Variants in BACH2 observed in about 807,000 individuals in gnomAD.
BACH2 encodes transcription regulator protein BACH2.
A neutral mutation model predicts 61.8 loss-of-function variants in BACH2; 5 were observed. The observed-to-expected ratio is 0.08, with a 90% CI of 0.04 to 0.17. The LOEUF is 0.17. BACH2 is among the 10% of genes least tolerant of loss of function. The pLI, the probability that BACH2 is intolerant of heterozygous loss-of-function variation, is 1.00. For missense variants in BACH2, 824 were observed against 1,091.1 expected (o/e 0.76, Z 3.45); for synonymous variants, 446 against 440.1 (o/e 1.01, Z -0.17).
At chr6:90,291,341 A>T (rs1157970563) in intron 1 of BACH2, among the ~76,000 whole-genome samples, 1 of 152,180 alleles carries the variant, frequency 6.6e-6, no homozygotes, top group Non-Finnish European at 1.5e-5. Flanking sequence ...AAGTAGTGTC[A>T]CTAGCAGGAT....
intron 7 of BACH2, among the ~76,000 whole-genome samples, chr6:89,944,254 T>C (rs1197246021): frequency 6.6e-6 from 1 of 152,224 alleles, no homozygotes; most frequent in African/African-American, 2.4e-5. Context: ...ACAGGGTTGC[T>C]ATGAAGAATA....
intron 3 of BACH2, among the ~76,000 whole-genome samples, chr6:90,237,428 T>C (rs932942407): frequency 2.6e-5 from 4 of 152,252 alleles, no homozygotes; most frequent in African/African-American, 9.6e-5. Context: ...TTTTATTTCC[T>C]CAGTATCTAT....
At chr6:90,159,882 CATAAAAAACTGACA>C (rs1440522579) in intron 4 of BACH2, among the ~76,000 whole-genome samples, 4 of 152,096 alleles carry the variant, frequency 2.6e-5, no homozygotes, top group African/African-American at 9.7e-5. Context: ...CCCTAAGGAG[CATAAAAAACTGACA>C]ATAAAAGATT....
chr6:90,138,062 AC>A (rs1407568262), intron 4 of BACH2, among the ~76,000 whole-genome samples: 2 of 150,896 alleles, frequency 1.3e-5, no homozygotes, highest in African/African-American at 2.4e-5. Flanking sequence ...AAACACACAC[AC>A]ACACACACAC....
chr6:90,032,389 CA>C, intron 5 of BACH2, among the ~76,000 whole-genome samples: 1 of 127,288 alleles, frequency 7.9e-6, no homozygotes, highest in East Asian at 3.5e-4. Flanking sequence ...TTCTGCACAG[CA>C]AAAGAAACTA....
intron 8 of BACH2, among the ~76,000 whole-genome samples, chr6:89,933,894 G>T (rs2128352702): frequency 6.6e-6 from 1 of 152,200 alleles, no homozygotes; most frequent in South Asian, 2.1e-4. Flanking sequence ...GCTGAGGTGG[G>T]AGGATCACTT....
At chr6:90,077,593 T>A (rs979565957) in intron 5 of BACH2, among the ~76,000 whole-genome samples, 4 of 152,096 alleles carry the variant, frequency 2.6e-5, no homozygotes, top group African/African-American at 9.7e-5. Flanking sequence ...AGTCACAAGT[T>A]GTATCTGGGA....
chr6:90,245,678 T>C (rs553062900), intron 3 of BACH2, among the ~76,000 whole-genome samples: 14 of 152,296 alleles, frequency 9.2e-5, no homozygotes, highest in African/African-American at 3.4e-4. Context: ...CATCATTCAG[T>C]AGTTTAGTTA....
At position 89,927,460 on chromosome 6, in the gene BACH2, A is replaced by G. The variant is rs2128350880; in HGVS notation, c.*4948T>C. 6.5e-6 allele frequency: 1 copy of G among 152,932 alleles called. No homozygotes were observed. Among genetic ancestry groups the G allele is most frequent in the South Asian group, 2.1e-4 (1 of 4,830 alleles). The allele number at this position is 152,932 out of a possible 1,614,324, so 9.5% of individuals were successfully genotyped here. On this transcript the variant is annotated 3_prime_UTR_variant, in exon 9 of 9. Transcript: ENST00000257749. ...GATTATTCCCATGGGAGCACTTGGC[A>G]CTGAATGTGAGTCTACCTGAAATGA...
intron 4 of BACH2, among the ~76,000 whole-genome samples, chr6:90,188,560 C>T (rs1277198016): frequency 6.6e-6 from 1 of 151,814 alleles, no homozygotes; most frequent in African/African-American, 2.4e-5. Context: ...CAAGTATACA[C>T]GGTACAAAAT....
chr6:90,129,189 G>A (rs1017512188), intron 4 of BACH2, among the ~76,000 whole-genome samples: 36 of 152,150 alleles, frequency 2.4e-4, no homozygotes, highest in African/African-American at 6.7e-4. Context: ...TGCACGTTGC[G>A]CACATGTACC....
chr6:90,064,726 C>T (rs530341810), intron 5 of BACH2, among the ~76,000 whole-genome samples: 181 of 152,252 alleles, frequency 1.2e-3, no homozygotes, highest in African/African-American at 4.0e-3. Flanking sequence ...AATGAGAATC[C>T]TAGAGAGAAA....
intron 7 of BACH2, among the ~76,000 whole-genome samples, chr6:89,944,312 T>C (rs1461118242): frequency 1.3e-5 from 2 of 152,270 alleles, no homozygotes; most frequent in South Asian, 4.1e-4. Context: ...TTCAACTGCC[T>C]GATAGATACA....
intron 4 of BACH2, among the ~76,000 whole-genome samples, chr6:90,192,836 G>A (rs919886548): frequency 1.3e-5 from 2 of 152,172 alleles, no homozygotes; most frequent in African/African-American, 4.8e-5. Flanking sequence ...AATCCTTAGG[G>A]TGTTAACTGA....
intron 1 of BACH2, among the ~76,000 whole-genome samples, chr6:90,295,993 G>C (rs1772355896): frequency 6.6e-6 from 1 of 152,064 alleles, no homozygotes; most frequent in African/African-American, 2.4e-5. Flanking sequence ...CGAGGGTTAA[G>C]GAGGAGGCCG....
chr6:89,966,207 T>C (rs1428395177), intron 6 of BACH2, among the ~76,000 whole-genome samples: 3 of 152,204 alleles, frequency 2.0e-5, no homozygotes, highest in Admixed American at 1.3e-4. Flanking sequence ...CCAACCATCA[T>C]GTAACAAGCT....
chr6:89,932,202 A>C lies in BACH2; in HGVS notation c.*206T>G. 2 of 650,358 alleles carry C rather than the reference A, an allele frequency of 3.1e-6. No individual in the cohort carries two copies. The highest frequency in any genetic ancestry group is 2.6e-6 in the Non-Finnish European group (1 of 388,908). 40.3% of individuals were successfully genotyped at this position (650,358 alleles called of 1,614,324 possible). A position where few individuals can be genotyped will look rare whatever the true frequency, so the allele number is the denominator to read the frequency against. ...CACTGCTGTCTTTCCTTGCCTGGGC[A>C]AGGGGTAGCACCATTGTGAAGGTAA... On this transcript the variant is annotated 3_prime_UTR_variant, in exon 9 of 9. Coordinates refer to ENST00000257749, the MANE Select transcript of BACH2 (RefSeq NM_021813.4).
At chr6:90,019,851 C>T (rs1562374620) in intron 5 of BACH2, among the ~76,000 whole-genome samples, 1 of 152,180 alleles carries the variant, frequency 6.6e-6, no homozygotes, top group East Asian at 1.9e-4. Flanking sequence ...ATTCTGCTAA[C>T]AGGGCAGGTT....
intron 4 of BACH2, among the ~76,000 whole-genome samples, chr6:90,197,799 G>C (rs186815595): frequency 9.8e-4 from 149 of 152,326 alleles, no homozygotes; most frequent in Non-Finnish European, 1.8e-3. Flanking sequence ...AGGGGACGCA[G>C]AGAAGCAAAG....
Sources: gnomAD v4.1 joint callset for allele counts (sites outside exome capture counted in the v4.1 genomes callset) on GRCh38, gnomAD v4.1.1 for gene constraint, MANE v1.5 for transcripts, NCBI Gene and HGNC (gene_info 2026-07-23, HGNC 2026-07-21) for gene names.